The following SHROOM4 variants were observed in gnomAD, a reference collection of about 807,000 sequenced individuals.
The protein encoded by SHROOM4 is shroom family member 4.
In SHROOM4, 17 loss-of-function variants were observed where a neutral mutation model predicts 80.3. The ratio of observed to expected loss-of-function variants is 0.21; its 90% CI spans 0.14 to 0.32. The LOEUF is 0.32. Among genes scored for constraint, SHROOM4 ranks in the 10% least tolerant of loss-of-function variants. The pLI is 1.00. For missense variants in SHROOM4, 993 were observed against 1,140.3 expected (o/e 0.87, Z 1.86); for synonymous variants, 400 against 437.5 (o/e 0.91, Z 1.07).
intron 1 of SHROOM4, among the ~76,000 whole-genome samples, chrX:50,770,046 G>A (rs181016917): frequency 2.7e-5 from 3 of 110,013 alleles, no homozygotes; most frequent in Admixed American, 9.7e-5. Flanking sequence ...AATGATGGTG[G>A]ATAAGCTTCC....
intron 5 of SHROOM4, among the ~76,000 whole-genome samples, chrX:50,627,162 T>C (rs1489477798): frequency 1.8e-5 from 2 of 111,835 alleles, no homozygotes; most frequent in East Asian, 5.6e-4. Context: ...TAAAATGATT[T>C]GAATGGGGTC....
chrX:50,788,126 A>G (rs1450878854), intron 1 of SHROOM4, among the ~76,000 whole-genome samples: 1 of 112,073 alleles, frequency 8.9e-6, no homozygotes, highest in Non-Finnish European at 1.9e-5. Context: ...TGTAAATATA[A>G]AATATGTTAA....
chrX:50,795,090 TATATATATATGA>T, intron 1 of SHROOM4, among the ~76,000 whole-genome samples: 1 of 56,525 alleles, frequency 1.8e-5, no homozygotes, highest in Admixed American at 2.0e-4. Flanking sequence ...ATATATATGA[TATATATATATGA>T]TATATATATA....
chrX:50,699,990 C>T (rs1933473813), intron 1 of SHROOM4, among the ~76,000 whole-genome samples: 1 of 112,062 alleles, frequency 8.9e-6, no homozygotes, highest in South Asian at 3.8e-4. Flanking sequence ...ACACCTATTA[C>T]AATAGTGTAA....
chrX:50,744,853 A>C (rs1488744244), intron 1 of SHROOM4, among the ~76,000 whole-genome samples: 1 of 111,391 alleles, frequency 9.0e-6, no homozygotes, highest in Non-Finnish European at 1.9e-5. Flanking sequence ...ACAGTCTCTG[A>C]TGTCATGTTC....
In SHROOM4 at chrX:50,638,310, T is replaced by C; in HGVS notation, c.270-2A>G. 8.3e-7 allele frequency: 1 copy of C among 1,211,703 alleles called. No homozygotes were observed. Among genetic ancestry groups the C allele is most frequent in the Non-Finnish European group, 1.1e-6 (1 of 895,377 alleles). On this transcript the variant is annotated splice_acceptor_variant, in intron 2 of 8. Transcript: ENST00000376020. LOFTEE classifies it high-confidence loss of function. ...GGCCTACTGACAGGGGCGTTCCTCCTACAGCAAGAAAGGGACAGGAAGTGG... is the reference window on the plus strand; with the variant it reads ...GGCCTACTGACAGGGGCGTTCCTCCCACAGCAAGAAAGGGACAGGAAGTGG...
At position 50,634,652 on chromosome X, in the gene SHROOM4, T is replaced by C. The variant is rs1557255258; in HGVS notation, c.1421A>G (p.Glu474Gly). The C allele has an allele frequency of 2.5e-6, 3 of 1,211,860 alleles. No individual in the cohort carries two copies. The highest frequency in any genetic ancestry group is 2.2e-6 in the Non-Finnish European group (2 of 895,580). Residue 474 changes from glutamate to glycine, a missense_variant, in exon 4 of 9, where the codon GAA becomes GGA. Transcript: ENST00000376020. ...GTCATCCACTTGTCTGGTCTTTCTTTCTTTGCTGGACTGGTCATGGGTTCC... is the reference window on the plus strand; with the variant it reads ...GTCATCCACTTGTCTGGTCTTTCTTCCTTTGCTGGACTGGTCATGGGTTCC... ...TGGTHDQSSK[E>G]RKTRQVDDRS...
intron 1 of SHROOM4, among the ~76,000 whole-genome samples, chrX:50,731,889 T>C (rs1426944042): frequency 3.6e-5 from 4 of 111,464 alleles, no homozygotes; most frequent in Non-Finnish European, 7.5e-5. Context: ...ATAAAGAAAA[T>C]TGGGAGTAGA....
chrX:50,670,620 T>C (rs1377347774), intron 2 of SHROOM4, among the ~76,000 whole-genome samples: 4 of 111,997 alleles, frequency 3.6e-5, no homozygotes, highest in African/African-American at 9.7e-5. Context: ...TTTGGGTATA[T>C]ACCCAGTAAT....
chrX:50,598,316 G>A lies in SHROOM4; in HGVS notation c.4162C>T (p.Arg1388Trp). The A allele has an allele frequency of 8.3e-7, 1 of 1,211,121 alleles. No individual in the cohort carries two copies. The highest frequency in any genetic ancestry group is 1.1e-6 in the Non-Finnish European group (1 of 895,422). The change falls in exon 8 of 9, where the codon CGG becomes TGG. Residue 1388 changes from arginine (R) to tryptophan (W), a missense_variant. Transcript: ENST00000376020. ...ATGCTGTTCAGAGCATTCTCCACCCGGGCCAGTCGTCCAGAGAGTGACAGC... is the reference window on the plus strand; with the variant it reads ...ATGCTGTTCAGAGCATTCTCCACCCAGGCCAGTCGTCCAGAGAGTGACAGC... Reference protein sequence around the residue: ...LLLSLSGRLARVENALNSIDS... With the variant: ...LLLSLSGRLAWVENALNSIDS...
chrX:50,609,525 C>T (rs79680959), intron 5 of SHROOM4, among the ~76,000 whole-genome samples: 2,071 of 110,418 alleles, frequency 0.019, 30 homozygotes, highest in Non-Finnish European at 0.028. Context: ...ATAAAAACAT[C>T]ATATACATAA....
Position 50,602,729 on chromosome X carries a change from G to A in SHROOM4, c.3846C>T (p.Ala1282=). 4 of 1,211,011 alleles carry A rather than the reference G, an allele frequency of 3.3e-6. No individual in the cohort carries two copies. Among genetic ancestry groups the A allele is most frequent in the South Asian group, 1.8e-5 (1 of 56,947 alleles). ...TCAGTTTGTTCAGCAGCTCTGCCTTGGCCACAGAAATATTGTAATAAGCTG... is the reference window on the plus strand; with the variant it reads ...TCAGTTTGTTCAGCAGCTCTGCCTTAGCCACAGAAATATTGTAATAAGCTG... ...SYSAYYNISV[A]KAELLNKLKD... The change falls in exon 7 of 9, where the codon GCC becomes GCT. Residue 1282 remains alanine, a synonymous_variant. Transcript: ENST00000376020.
intron 1 of SHROOM4, among the ~76,000 whole-genome samples, chrX:50,750,045 C>T (rs782734525): frequency 8.9e-6 from 1 of 111,884 alleles, no homozygotes; most frequent in African/African-American, 3.2e-5. Flanking sequence ...AGAGGACAGA[C>T]ATCTCATTAT....
the SHROOM4 span, among the ~76,000 whole-genome samples, chrX:50,576,321 G>C: frequency 9.0e-6 from 1 of 111,566 alleles, no homozygotes; most frequent in Non-Finnish European, 1.9e-5. Flanking sequence ...ATATGTCAGG[G>C]TCAGGAGATT....
Position 50,813,921 on chromosome X carries a change from TCA to T in SHROOM4, c.96_97del (p.Cys32Ter). ...TCTTACCTTAGACACTGTGAGCGGC[TCA>T]CAGTGTTCCAGACCCCCCTTAAGGG... On this transcript the variant is annotated stop_gained and frameshift_variant, in exon 1 of 9. Transcript: ENST00000376020. LOFTEE classifies it high-confidence loss of function. 8.3e-7 allele frequency: 1 copy of T among 1,200,427 alleles called. No individual in the cohort carries two copies. The highest frequency in any genetic ancestry group is 1.1e-6 in the Non-Finnish European group (1 of 886,727).
intron 1 of SHROOM4, among the ~76,000 whole-genome samples, chrX:50,758,234 G>T (rs189233951): frequency 1.8e-3 from 203 of 111,795 alleles, no homozygotes; most frequent in African/African-American, 6.4e-3. Context: ...GCCTTGGATA[G>T]AATCTGTAAT....
chrX:50,805,733 G>A (rs1323126958), intron 1 of SHROOM4, among the ~76,000 whole-genome samples: 1 of 111,807 alleles, frequency 8.9e-6, no homozygotes, highest in Non-Finnish European at 1.9e-5. Flanking sequence ...AGAAGAAACA[G>A]GAGGGTGTGG....
chrX:50,668,133 C>T (rs1344692760), intron 2 of SHROOM4, among the ~76,000 whole-genome samples: 1 of 112,009 alleles, frequency 8.9e-6, no homozygotes, highest in Non-Finnish European at 1.9e-5. Context: ...GACTTTCATC[C>T]ATGCCAGGTG....
chrX:50,698,405 T>C (rs1287188288), intron 1 of SHROOM4, among the ~76,000 whole-genome samples: 1 of 111,361 alleles, frequency 9.0e-6, no homozygotes, highest in Non-Finnish European at 1.9e-5. Context: ...GAAATAATCC[T>C]ACTTTAGTGC....
Sources: gnomAD v4.1 joint callset for allele counts (sites outside exome capture counted in the v4.1 genomes callset) on GRCh38, gnomAD v4.1.1 for gene constraint, MANE v1.5 for transcripts, NCBI Gene and HGNC (gene_info 2026-07-23, HGNC 2026-07-21) for gene names.